USP20: variants seen among roughly 807,000 people sequenced by gnomAD.
USP20 encodes ubiquitin carboxyl-terminal hydrolase 20.
In USP20, 80 loss-of-function variants were observed where a neutral mutation model predicts 124.2. That is an observed-to-expected ratio of 0.64 (90% CI 0.54 to 0.78). USP20 has a LOEUF of 0.78. USP20 is among the 30% of genes least tolerant of loss of function. The pLI, the probability that USP20 is intolerant of heterozygous loss-of-function variation, is 0.00. For synonymous variants in USP20, 481 were observed against 512.3 expected (o/e 0.94, Z 0.83); for missense variants, 1,043 against 1,244.4 (o/e 0.84, Z 2.44).
chr9:129,854,487 T>C (rs2033108798), intron 3 of USP20, among the ~76,000 whole-genome samples: 1 of 152,188 alleles, frequency 6.6e-6, no homozygotes, highest in South Asian at 2.1e-4. Context: ...TGCATGATCT[T>C]ATTTTTACTA....
Position 129,844,568 on chromosome 9 carries a change from C to T in USP20, c.-128-5245C>T, listed in dbSNP as rs545945444. ...TTGAACCTGAAGTGGAGAGTGTGTT[C>T]AGTCGAGATCGCACCACTGCACTCC... On this transcript the variant is annotated intron_variant, in intron 1 of 25. Transcript: ENST00000372429. Among the ~76,000 whole-genome samples, 4 of 138,026 alleles carry T rather than the reference C, an allele frequency of 2.9e-5. No homozygotes were observed. The East Asian group carries it at 9.0e-4, about 31-fold the overall frequency. The allele number at this position is 138,026 out of a possible 152,430, so 90.6% of individuals were successfully genotyped here.
At chr9:129,878,293 G>A in intron 22 of USP20, 45 bp from the exon 23 acceptor site, 1 of 1,492,846 alleles carries the variant, frequency 6.7e-7, no homozygotes, top group South Asian at 1.2e-5. Context: ...GGTAAATAGA[G>A]ACTGACCTGC....
At chr9:129,868,786 G>A in intron 11 of USP20, 76 bp from the exon 12 acceptor site, 1 of 1,498,140 alleles carries the variant, frequency 6.7e-7, no homozygotes, top group South Asian at 1.3e-5. Context: ...AGGAGGGGCT[G>A]GCAGGTCATC....
In USP20 at chr9:129,868,095, C is replaced by G. The variant is rs1192827805; in HGVS notation, c.781C>G (p.Arg261Gly). The change falls in exon 11 of 26, where the codon CGG (arginine) becomes GGG (glycine). Residue 261 changes from arginine to glycine, a missense_variant. By Grantham distance (125) the Arg-to-Gly change is moderately radical (BLOSUM62 -2). Coordinates refer to ENST00000372429, the MANE Select transcript of USP20 (RefSeq NM_001110303.4). The part of the protein sequence containing the change: ...VVATVALTEA[R>G]DSDSSDTDEK... Reference sequence around the variant, plus strand: ...GGCCACGGTGGCGCTGACGGAGGCTCGGGACTCAGATTCGAGTGACACGGA... The same window carrying G: ...GGCCACGGTGGCGCTGACGGAGGCTGGGGACTCAGATTCGAGTGACACGGA... 1 of 1,613,960 alleles carries G rather than the reference C, an allele frequency of 6.2e-7. No individual in the cohort carries two copies. The highest frequency in any genetic ancestry group is 1.3e-5 in the African/African-American group (1 of 74,904).
intron 1 of USP20, among the ~76,000 whole-genome samples, chr9:129,848,362 G>A (rs1375546526): frequency 6.6e-6 from 1 of 152,196 alleles, no homozygotes; most frequent in African/African-American, 2.4e-5. Context: ...AGTTACTTAA[G>A]TTCCAATTCT....
Position 129,873,576 on chromosome 9 carries a change from T to C in USP20, c.1694+61T>C. On this transcript the variant is annotated intron_variant, in intron 16 of 25. Transcript: ENST00000372429. ...CGTTTCTGTGCCCTACATATTCCCC[T>C]TGGGTTCCTGCAGAGAGCCCCCTAT... 5.0e-6 allele frequency: 8 copies of C among 1,613,636 alleles called. No homozygotes were observed. In the South Asian group the frequency reaches 6.6e-5, roughly 13 times the overall value.
intron 9 of USP20, 85 bp downstream of exon 9, chr9:129,863,384 T>C: frequency 1.8e-6 from 2 of 1,113,646 alleles, no homozygotes; most frequent in South Asian, 1.7e-5. Context: ...TTCCTGTGGA[T>C]TCAGCCCCCA....
Position 129,879,256 on chromosome 9 carries a change from G to C in USP20, c.2513-317G>C, listed in dbSNP as rs572040420. On this transcript the variant is annotated intron_variant, in intron 23 of 25. Transcript: ENST00000372429. The surrounding 1 kb of genome is among the most constrained non-coding windows in gnomAD (Gnocchi z 4.2). Reference sequence around the variant, plus strand: ...ACCTCTGTCTTGTCCTGTGGTTGCCGAGGCTAAATGAGATAGCTGGGCAGA... The same window carrying C: ...ACCTCTGTCTTGTCCTGTGGTTGCCCAGGCTAAATGAGATAGCTGGGCAGA... 2.8e-6 allele frequency: 1 copy of C among 355,428 alleles called. No homozygotes were observed. Among genetic ancestry groups the C allele is most frequent in the Middle Eastern group, 7.4e-4 (1 of 1,352 alleles). 22.0% of individuals were successfully genotyped at this position (355,428 alleles called of 1,614,324 possible).
At chr9:129,870,108 C>G in intron 14 of USP20, 1 of 575,310 alleles carries the variant, frequency 1.7e-6, no homozygotes, top group Non-Finnish European at 3.1e-6. Flanking sequence ...GAAGGGAGGG[C>G]AGCAGCAGGA....
chr9:129,867,581 C>T (rs1026479646), intron 10 of USP20, among the ~76,000 whole-genome samples: 10 of 152,194 alleles, frequency 6.6e-5, no homozygotes, highest in Admixed American at 5.2e-4. Context: ...CATCACACTC[C>T]CTCATCCTTC....
intron 1 of USP20, among the ~76,000 whole-genome samples, chr9:129,838,463 T>A (rs28650919): frequency 0.19 from 28,564 of 152,148 alleles, 3,214 homozygotes; most frequent in South Asian, 0.26. Context: ...CTTAGGTTTG[T>A]AGCAACTAGA....
Position 129,839,206 on chromosome 9 carries a change from T to C in USP20, c.-129+3707T>C, listed in dbSNP as rs2032050691. On this transcript the variant is annotated intron_variant, in intron 1 of 25. Coordinates refer to ENST00000372429, the MANE Select transcript of USP20 (RefSeq NM_001110303.4). The surrounding 1 kb of genome is among the most constrained non-coding windows in gnomAD (Gnocchi z 4.5). ...ACCTTAGCCAGTTATTCCACTTCTC[T>C]GAGCCTCGGTGTCTCCATTGTTAGT... Among the ~76,000 whole-genome samples, 1 of 152,224 alleles carries C rather than the reference T, an allele frequency of 6.6e-6. No homozygotes were observed. Among genetic ancestry groups the C allele is most frequent in the African/African-American group, 2.4e-5 (1 of 41,456 alleles).
At chr9:129,860,194 G>T (rs1401641475) in intron 6 of USP20, among the ~76,000 whole-genome samples, 5 of 152,114 alleles carry the variant, frequency 3.3e-5, no homozygotes, top group Non-Finnish European at 5.9e-5. Flanking sequence ...GTCAGGCATA[G>T]TAGCGGGCAC....
intron 9 of USP20, among the ~76,000 whole-genome samples, chr9:129,864,808 T>C (rs996500105): frequency 4.1e-5 from 6 of 144,654 alleles, no homozygotes; most frequent in Non-Finnish European, 1.5e-5. Flanking sequence ...CATGGTACAA[T>C]ATAATTCCGC....
At chr9:129,847,376 C>A (rs922480765) in intron 1 of USP20, among the ~76,000 whole-genome samples, 1 of 150,294 alleles carries the variant, frequency 6.7e-6, no homozygotes, top group African/African-American at 2.5e-5. Context: ...GATCTCAGCT[C>A]ACTGCAGCCT....
chr9:129,847,865 A>G (rs1479006064), intron 1 of USP20, among the ~76,000 whole-genome samples: 1 of 151,540 alleles, frequency 6.6e-6, no homozygotes, highest in Non-Finnish European at 1.5e-5. Context: ...TTATATAAAT[A>G]GAATCATATG....
chr9:129,865,227 G>GC, intron 9 of USP20, 76 bp from the exon 10 acceptor site: 1 of 1,510,922 alleles, frequency 6.6e-7, no homozygotes, highest in Non-Finnish European at 9.2e-7. Flanking sequence ...AGCCTGACGG[G>GC]CTGGCTGCCT....
chr9:129,839,889 C>G lies in USP20; in HGVS notation c.-129+4390C>G, dbSNP rs1214028056. On this transcript the variant is annotated intron_variant, in intron 1 of 25. Coordinates refer to ENST00000372429, the MANE Select transcript of USP20 (RefSeq NM_001110303.4). The surrounding 1 kb of genome is among the most constrained non-coding windows in gnomAD (Gnocchi z 4.5). ...CCCCTGCCCTTCCTCAGGCCTTGCC[C>G]CTCCACTTTGCCCCTGTGGGTGGAG... Among the ~76,000 whole-genome samples, 2 of 152,166 alleles carry G rather than the reference C, an allele frequency of 1.3e-5. No homozygotes were observed. Among genetic ancestry groups the G allele is most frequent in the African/African-American group, 4.8e-5 (2 of 41,442 alleles).
intron 1 of USP20, among the ~76,000 whole-genome samples, chr9:129,848,065 G>A (rs1223144457): frequency 6.6e-6 from 1 of 152,110 alleles, no homozygotes; most frequent in African/African-American, 2.4e-5. Flanking sequence ...GGGAGGCTGA[G>A]GCAGGCGGAT....
Sources: allele counts gnomAD v4.1 joint callset (sites outside exome capture counted in the v4.1 genomes callset), GRCh38; gene constraint gnomAD v4.1.1; non-coding constraint Gnocchi (gnomAD v3.1); transcripts MANE v1.5; gene names NCBI Gene and HGNC (gene_info 2026-07-23, HGNC 2026-07-21).